Variants in MAP3K5 observed in about 807,000 individuals in gnomAD.
MAP3K5 encodes mitogen-activated protein kinase kinase kinase 5, also known as ASK-1.
In MAP3K5, 56 loss-of-function variants were observed where a neutral mutation model predicts 158.7. The observed-to-expected ratio is 0.35, with a 90% CI of 0.28 to 0.44. The LOEUF (loss-of-function observed/expected upper bound fraction) is 0.44, where lower values mean the gene tolerates loss of function less well. MAP3K5 is among the 20% of genes least tolerant of loss of function. MAP3K5 has a pLI of 1.00. For missense variants in MAP3K5, 1,294 were observed against 1,674.8 expected, an observed-to-expected ratio of 0.77 and a Z score of 3.97; for synonymous variants, 579 against 601.7, an observed-to-expected ratio of 0.96 and a Z score of 0.55.
At chr6:136,559,227 C>CTA (rs1332989737) in intron 28 of MAP3K5, among the ~76,000 whole-genome samples, 1 of 152,060 alleles carries the variant, frequency 6.6e-6, no homozygotes, top group Non-Finnish European at 1.5e-5. Context: ...TGGCGTATGC[C>CTA]TGTAATCCCA....
Position 136,768,979 on chromosome 6 carries a change from G to A in MAP3K5, c.448+22731C>T, listed in dbSNP as rs576851161. The stretch of plus-strand genomic sequence containing the variant: ...TCAAAAAGTTCAGCATTGAATTACC[G>A]TATGACCCAGCAATTCCACTCCTAG... On this transcript the variant is annotated intron_variant, in intron 1 of 29. Transcript: ENST00000359015. Among the ~76,000 whole-genome samples the A allele has an allele frequency of 5.8e-4, 88 of 151,334 alleles. 1 individual carries two copies. The highest frequency in any genetic ancestry group is 1.7e-3 in the African/African-American group (72 of 41,248).
chr6:136,744,767 G>A (rs759724987), intron 1 of MAP3K5, among the ~76,000 whole-genome samples: 7 of 152,072 alleles, frequency 4.6e-5, no homozygotes, highest in Non-Finnish European at 8.8e-5. Context: ...ATCACCTGGG[G>A]GCTTTGAAAA....
chr6:136,753,477 G>A (rs1783315267), intron 1 of MAP3K5, among the ~76,000 whole-genome samples: 1 of 151,976 alleles, frequency 6.6e-6, no homozygotes, highest in South Asian at 2.1e-4. Flanking sequence ...TGGCAGCAAG[G>A]GAACATCACC....
Position 136,730,893 on chromosome 6 carries a change from T to G in MAP3K5, c.449-10304A>C, listed in dbSNP as rs116971285. On this transcript the variant is annotated intron_variant, in intron 1 of 29. Coordinates refer to ENST00000359015, the MANE Select transcript of MAP3K5 (RefSeq NM_005923.4). ...CACAGATATGTGCTCATGTAATGAA[T>G]GTTCATAGCCATACTATTTGTAAAC... Among the ~76,000 whole-genome samples the G allele has an allele frequency of 2.1e-3, 322 of 152,308 alleles. 6 individuals carry two copies. The South Asian group carries it at 0.032, about 15-fold the overall frequency.
At chr6:136,692,291 T>C (rs150250849) in intron 7 of MAP3K5, among the ~76,000 whole-genome samples, 6 of 152,274 alleles carry the variant, frequency 3.9e-5, no homozygotes, top group Non-Finnish European at 8.8e-5. Context: ...CTTAAGAGTA[T>C]GTAGTTTTTT....
At chr6:136,772,097 ATG>A (rs1562693476) in intron 1 of MAP3K5, among the ~76,000 whole-genome samples, 1 of 111,722 alleles carries the variant, frequency 9.0e-6, no homozygotes, top group African/African-American at 4.2e-5. Flanking sequence ...TTTAGTAGAA[ATG>A]GGGGGGGGGG....
rs184483017 is a variant in MAP3K5 at position 136,669,755 on chromosome 6, T to C, written c.1254-360A>G. Among the ~76,000 whole-genome samples, 339 of 152,326 alleles carry C rather than the reference T, an allele frequency of 2.2e-3. 1 individual carries two copies. The highest frequency in any genetic ancestry group is 3.4e-3 in the Middle Eastern group (1 of 294). ...TCCAATAATATTATACAGTATGATA[T>C]GGAATAACATATATTCCAAATGTTA... On this transcript the variant is annotated intron_variant, in intron 7 of 29. Transcript: ENST00000359015.
In MAP3K5 at chr6:136,792,101, C is replaced by G. The variant is rs1190553822; in HGVS notation, c.57G>C (p.Ser19=). ...CGCCCTCGGGGATGGTGCAGAAGCC[C>G]GAGGGGGCGAAGGGTGGCACAGAGA... is the stretch of plus-strand genomic sequence containing the variant. The part of the protein sequence containing the change: ...ITFSVPPFAP[S]GFCTIPEGGI... Residue 19 remains serine (S), a synonymous_variant, in exon 1 of 30, where the codon TCG becomes TCC. Transcript: ENST00000359015. The surrounding 1 kb of genome is among the most constrained non-coding windows in gnomAD (Gnocchi z 5.7). The G allele has an allele frequency of 1.3e-6, 2 of 1,585,520 alleles. No homozygotes were observed. The highest frequency in any genetic ancestry group is 1.7e-6 in the Non-Finnish European group (2 of 1,169,092).
In MAP3K5 at chr6:136,745,143, G is replaced by GT. The variant is rs11302986; in HGVS notation, c.449-24555dup. On this transcript the variant is annotated intron_variant, in intron 1 of 29. Coordinates refer to ENST00000359015, the MANE Select transcript of MAP3K5 (RefSeq NM_005923.4). ...GGGCATACACTTGGCAGTCATTAAA[G>GT]TTTTTTTTTTTTTTTTTTTTTTGAG... 3.0e-4 allele frequency among the ~76,000 whole-genome samples: 32 copies of GT among 108,014 alleles called. No homozygotes were observed. In the South Asian group the frequency reaches 4.6e-3, roughly 16 times the overall value. 70.9% of individuals were successfully genotyped at this position (108,014 alleles called of 152,430 possible).
intron 18 of MAP3K5, among the ~76,000 whole-genome samples, chr6:136,606,490 A>G (rs770540223): frequency 6.6e-6 from 1 of 152,228 alleles, no homozygotes; most frequent in Non-Finnish European, 1.5e-5. Flanking sequence ...CTTCTGGCCT[A>G]GTATACCCCA....
chr6:136,688,842 A>G (rs1031828133), intron 7 of MAP3K5, among the ~76,000 whole-genome samples: 5 of 152,192 alleles, frequency 3.3e-5, no homozygotes, highest in African/African-American at 1.2e-4. Flanking sequence ...TGGATTACCT[A>G]TGCATTTCAT....
At chr6:136,637,823 C>G (rs1777719998) in intron 13 of MAP3K5, among the ~76,000 whole-genome samples, 1 of 152,146 alleles carries the variant, frequency 6.6e-6, no homozygotes, top group African/African-American at 2.4e-5. Context: ...GATGATCCCA[C>G]AGGCAGGTCA....
Position 136,661,625 on chromosome 6 carries a change from T to C in MAP3K5, c.1367-2247A>G, listed in dbSNP as rs924760749. 6.8e-4 allele frequency among the ~76,000 whole-genome samples: 103 copies of C among 152,196 alleles called. 1 individual carries two copies. The highest frequency in any genetic ancestry group is 6.5e-4 in the Admixed American group (10 of 15,274). On this transcript the variant is annotated intron_variant, in intron 8 of 29. Transcript: ENST00000359015. Reference sequence around the variant, plus strand: ...ATGTTGCCCAGCCGAACTCCTGGGCTCAAGTGATCCTCCTGCCTTAGACCT... The same window carrying C: ...ATGTTGCCCAGCCGAACTCCTGGGCCCAAGTGATCCTCCTGCCTTAGACCT...
intron 19 of MAP3K5, among the ~76,000 whole-genome samples, chr6:136,604,125 C>T (rs1016890877): frequency 6.6e-5 from 10 of 152,124 alleles, no homozygotes; most frequent in Non-Finnish European, 1.3e-4. Context: ...AGTTTGAGAC[C>T]AGCCTGGGCA....
chr6:136,584,049 T>C (rs1023422668), intron 23 of MAP3K5, among the ~76,000 whole-genome samples: 2 of 152,146 alleles, frequency 1.3e-5, no homozygotes, highest in Admixed American at 6.5e-5. Flanking sequence ...TCAATCCTCC[T>C]ACCAACACCA....
chr6:136,770,428 T>C (rs188088743), intron 1 of MAP3K5, among the ~76,000 whole-genome samples: 28 of 152,334 alleles, frequency 1.8e-4, no homozygotes, highest in Middle Eastern at 3.4e-3. Flanking sequence ...CTATGTGTTA[T>C]TTAAAGAAAT....
chr6:136,574,150 C>T (rs1774492457), intron 25 of MAP3K5, among the ~76,000 whole-genome samples: 1 of 152,124 alleles, frequency 6.6e-6, no homozygotes, highest in Admixed American at 6.5e-5. Flanking sequence ...AGGCTGGTCT[C>T]AAATTCCTGG....
chr6:136,786,355 C>T (rs1385380469), intron 1 of MAP3K5, among the ~76,000 whole-genome samples: 3 of 132,924 alleles, frequency 2.3e-5, no homozygotes, highest in Non-Finnish European at 4.6e-5. Flanking sequence ...CTCCAGCCTG[C>T]GTGACAAGAG....
chr6:136,741,765 C>G (rs888704622), intron 1 of MAP3K5, among the ~76,000 whole-genome samples: 3 of 152,178 alleles, frequency 2.0e-5, no homozygotes, highest in Non-Finnish European at 1.5e-5. Flanking sequence ...TAACAAAAAC[C>G]CTCCTAGAAT....
Sources: gnomAD v4.1 joint callset for allele counts (sites outside exome capture counted in the v4.1 genomes callset) on GRCh38, gnomAD v4.1.1 for gene constraint, Gnocchi (gnomAD v3.1) non-coding constraint, MANE v1.5 for transcripts, NCBI Gene and HGNC (gene_info 2026-07-23, HGNC 2026-07-21) for gene names.